NSUN3: variants seen among roughly 807,000 people sequenced by gnomAD.
The protein encoded by NSUN3 is NOP2/Sun RNA methyltransferase 3, also known as tRNA (cytosine(34)-C(5))-methyltransferase, mitochondrial.
In NSUN3, 24 loss-of-function variants were observed where a neutral mutation model predicts 36.8. That is an observed-to-expected ratio of 0.65 (90% CI 0.47 to 0.92). The LOEUF (loss-of-function observed/expected upper bound fraction) is 0.92. Ranked by LOEUF, NSUN3 falls within the 40% of genes least tolerant of loss-of-function variation. The pLI, the probability that NSUN3 is intolerant of heterozygous loss-of-function variation, is 0.00. For missense variants in NSUN3, 381 were observed against 392.8 expected (o/e 0.97, Z 0.25); for synonymous variants, 146 against 145.2 (o/e 1.01, Z -0.04).
intron 5 of NSUN3, among the ~76,000 whole-genome samples, chr3:94,107,542 C>A (rs112956768): frequency 0.017 from 2,636 of 152,206 alleles, 58 homozygotes; most frequent in Admixed American, 0.067. Context: ...TTGCCTTGGC[C>A]TCTGAAAGTG....
intron 2 of NSUN3, among the ~76,000 whole-genome samples, chr3:94,082,528 C>T (rs1281387829): frequency 6.6e-6 from 1 of 152,122 alleles, no homozygotes; most frequent in Non-Finnish European, 1.5e-5. Flanking sequence ...CACGTATTAG[C>T]CCTAAATTGA....
chr3:94,104,498 A>G (rs1373356595), intron 5 of NSUN3, among the ~76,000 whole-genome samples: 1 of 152,178 alleles, frequency 6.6e-6, no homozygotes, highest in Non-Finnish European at 1.5e-5. Context: ...CCCAGTTGCA[A>G]GCTTTTTATT....
intron 5 of NSUN3, among the ~76,000 whole-genome samples, chr3:94,108,863 C>T (rs529001749): frequency 7.4e-4 from 112 of 152,296 alleles, no homozygotes; most frequent in African/African-American, 2.6e-3. Flanking sequence ...CGGGGTTTCA[C>T]CATGTTGGTC....
intron 2 of NSUN3, among the ~76,000 whole-genome samples, chr3:94,078,269 C>A (rs2077254575): frequency 6.6e-6 from 1 of 152,162 alleles, no homozygotes; most frequent in South Asian, 2.1e-4. Flanking sequence ...TTTCTTAATC[C>A]TGAGTTCTAA....
intron 2 of NSUN3, among the ~76,000 whole-genome samples, chr3:94,083,750 T>C (rs2077280866): frequency 6.6e-6 from 1 of 152,174 alleles, no homozygotes; most frequent in Non-Finnish European, 1.5e-5. Flanking sequence ...AAGTTAGGGT[T>C]TTCCTTTCAA....
At chr3:94,101,027 C>G (rs2077363791) in intron 5 of NSUN3, among the ~76,000 whole-genome samples, 1 of 151,580 alleles carries the variant, frequency 6.6e-6, no homozygotes, top group Admixed American at 6.6e-5. Flanking sequence ...CTTGCTCTGT[C>G]TCCCAGGCTA....
chr3:94,123,285 A>G (rs998778929), intron 5 of NSUN3, among the ~76,000 whole-genome samples: 1 of 151,914 alleles, frequency 6.6e-6, no homozygotes, highest in African/African-American at 2.4e-5. Flanking sequence ...TCTGAATTAC[A>G]TTTTTCCTCT....
chr3:94,095,913 A>AT (rs60524751), intron 5 of NSUN3, among the ~76,000 whole-genome samples: 1,909 of 124,524 alleles, frequency 0.015, 42 homozygotes, highest in African/African-American at 0.045. Context: ...AGCCTAGCTA[A>AT]TTTTTTTTTT....
intron 5 of NSUN3, among the ~76,000 whole-genome samples, chr3:94,114,496 C>T (rs1014358656): frequency 1.2e-4 from 19 of 152,364 alleles, no homozygotes; most frequent in Non-Finnish European, 2.6e-4. Context: ...AAGCTGATCA[C>T]ATGTCCTACA....
intron 2 of NSUN3, among the ~76,000 whole-genome samples, chr3:94,073,302 C>T (rs1273887045): frequency 6.6e-6 from 1 of 152,080 alleles, no homozygotes; most frequent in Non-Finnish European, 1.5e-5. Context: ...ATTTATAATC[C>T]TTTGGGTATA....
intron 1 of NSUN3, 85 bp downstream of exon 1, chr3:94,063,223 T>TG (rs1241012330): frequency 1.5e-6 from 2 of 1,317,386 alleles, no homozygotes; most frequent in South Asian, 1.2e-5. Flanking sequence ...GGTGCTGGGA[T>TG]GGGGGAACAT....
chr3:94,085,181 C>T (rs2077286876), intron 3 of NSUN3: 2 of 152,066 alleles, frequency 1.3e-5, no homozygotes, highest in Non-Finnish European at 1.5e-5. Context: ...GTGACTTTTT[C>T]ATTAATATTA....
Position 94,126,581 on chromosome 3 carries a change from C to A in NSUN3, c.*91C>A. 1 of 1,180,126 alleles carries A rather than the reference C, an allele frequency of 8.5e-7. No homozygotes were observed. Among genetic ancestry groups the A allele is most frequent in the Non-Finnish European group, 1.2e-6 (1 of 844,218 alleles). 73.1% of individuals were successfully genotyped at this position (1,180,126 alleles called of 1,614,324 possible). On this transcript the variant is annotated 3_prime_UTR_variant, in exon 6 of 6. Transcript: ENST00000314622. The stretch of plus-strand genomic sequence containing the variant: ...ATTTAAATAATTATGCAGTAACTTT[C>A]TCTGGGTCTGTTTGGAATCCTATTT...
At chr3:94,091,114 G>T (rs2077312953) in intron 3 of NSUN3, among the ~76,000 whole-genome samples, 1 of 152,090 alleles carries the variant, frequency 6.6e-6, no homozygotes, top group Admixed American at 6.5e-5. Context: ...TTCAATTCTT[G>T]CCTCCTCAGA....
chr3:94,097,358 A>G (rs1002259240), intron 5 of NSUN3, among the ~76,000 whole-genome samples: 8 of 151,604 alleles, frequency 5.3e-5, no homozygotes, highest in Admixed American at 4.6e-4. Context: ...CTTCTGTTAC[A>G]TGGTCTTTTT....
intron 5 of NSUN3, among the ~76,000 whole-genome samples, chr3:94,114,753 AC>A (rs1330162022): frequency 1.3e-5 from 2 of 151,750 alleles, no homozygotes; most frequent in Non-Finnish European, 2.9e-5. Flanking sequence ...TTCCACCCTT[AC>A]CCCCCTTCTG....
chr3:94,082,135 C>G (rs138047798), intron 2 of NSUN3: 2 of 152,268 alleles, frequency 1.3e-5, no homozygotes, highest in Non-Finnish European at 2.9e-5. Flanking sequence ...CATGACTCAA[C>G]ACTGGATAGA....
chr3:94,099,710 T>C (rs941388138), intron 5 of NSUN3, among the ~76,000 whole-genome samples: 4 of 151,330 alleles, frequency 2.6e-5, no homozygotes, highest in African/African-American at 9.7e-5. Context: ...AGTCCTGACA[T>C]CTACAAGTCT....
chr3:94,101,033 G>A (rs2077363807), intron 5 of NSUN3, among the ~76,000 whole-genome samples: 1 of 151,396 alleles, frequency 6.6e-6, no homozygotes, highest in South Asian at 2.1e-4. Flanking sequence ...CTGTCTCCCA[G>A]GCTAAAGCGC....
Sources: gnomAD v4.1 joint callset for allele counts (sites outside exome capture counted in the v4.1 genomes callset) on GRCh38, gnomAD v4.1.1 for gene constraint, MANE v1.5 for transcripts, NCBI Gene and HGNC (gene_info 2026-07-23, HGNC 2026-07-21) for gene names.